ANXA5: variants seen among roughly 807,000 people sequenced by gnomAD.
The protein encoded by ANXA5 is CBP-I.
ANXA5 carries 40 observed loss-of-function variants against 48.1 expected under a neutral mutation model. The ratio of observed to expected loss-of-function variants is 0.83; its 90% confidence interval spans 0.65 to 1.08. The LOEUF is 1.08. ANXA5 is among the 50% of genes least tolerant of loss of function. The pLI is 0.00. For synonymous variants in ANXA5, 113 were observed against 129.1 expected (o/e 0.88, Z 0.85); for missense variants, 357 against 376.8 (o/e 0.95, Z 0.44).
chr4:121,672,389 T>C, intron 9 of ANXA5, 144 bp downstream of exon 9: 2 of 610,246 alleles, frequency 3.3e-6, no homozygotes, highest in South Asian at 4.2e-5. Context: ...AATGTTGAGA[T>C]TTCTCCAGGT....
chr4:121,672,895 T>A (rs1169192750), intron 8 of ANXA5, among the ~76,000 whole-genome samples: 3 of 152,190 alleles, frequency 2.0e-5, no homozygotes, highest in African/African-American at 7.2e-5. Flanking sequence ...TCCCAAAATG[T>A]CTGCCATAAC....
At chr4:121,686,203 T>G in intron 3 of ANXA5, 85 bp downstream of exon 3, 1 of 1,029,570 alleles carries the variant, frequency 9.7e-7, no homozygotes, top group Non-Finnish European at 1.5e-6. Flanking sequence ...GATCAAAATA[T>G]TCTAAAATTA....
At chr4:121,687,503 G>C (rs370897040) in intron 2 of ANXA5, among the ~76,000 whole-genome samples, 63 of 152,140 alleles carry the variant, frequency 4.1e-4, no homozygotes, top group African/African-American at 1.5e-3. Flanking sequence ...GGACTGTAAA[G>C]CTAGCCTCGT....
Position 121,686,344 on chromosome 4 carries a change from G to C in ANXA5, c.38C>G (p.Pro13Arg), listed in dbSNP as rs1052361762. Residue 13 changes from proline to arginine, a missense_variant, in exon 3 of 13, where the codon CCT becomes CGT. Coordinates refer to ENST00000296511, the MANE Select transcript of ANXA5 (RefSeq NM_001154.4). ...TGCATCAGCCCGCTCATCAAATCCAGGGAAGTCAGTCACAGTGCCTCTGAG... is the reference window on the plus strand; with the variant it reads ...TGCATCAGCCCGCTCATCAAATCCACGGAAGTCAGTCACAGTGCCTCTGAG... ...QVLRGTVTDF[P>R]GFDERADAET... 4 of 1,613,936 alleles carry C rather than the reference G, an allele frequency of 2.5e-6. No individual in the cohort carries two copies. Among genetic ancestry groups the C allele is most frequent in the African/African-American group, 2.7e-5 (2 of 74,898 alleles).
At chr4:121,696,462 C>A in intron 2 of ANXA5, 119 bp downstream of exon 2, 1 of 957,162 alleles carries the variant, frequency 1.0e-6, no homozygotes, top group South Asian at 5.2e-5. Context: ...AGCGATGTCC[C>A]CAAAGCAGGT....
At chr4:121,670,155 A>T in intron 10 of ANXA5, 143 bp from the exon 11 acceptor site, 1 of 595,970 alleles carries the variant, frequency 1.7e-6, no homozygotes, top group Non-Finnish European at 2.9e-6. Context: ...CTGTAAGCTA[A>T]TCTGATTTCC....
chr4:121,682,145 G>A (rs570381217), intron 5 of ANXA5, among the ~76,000 whole-genome samples: 4 of 152,066 alleles, frequency 2.6e-5, no homozygotes, highest in South Asian at 4.1e-4. Context: ...AAAACTTCAC[G>A]TAAATGTACA....
At chr4:121,691,886 A>C (rs1724991019) in intron 2 of ANXA5, among the ~76,000 whole-genome samples, 1 of 152,234 alleles carries the variant, frequency 6.6e-6, no homozygotes, top group Non-Finnish European at 1.5e-5. Context: ...GTGTGACCTG[A>C]TTATGCTTTG....
rs555955382 is a variant in ANXA5, at chr4:121,679,123, C to T, written c.395-629G>A. ...TGCTATTAAAGGAAAGGAGGCCTTA[C>T]TCTAAGGTATTTAAATATTTAATTA... On this transcript the variant is annotated intron_variant, in intron 6 of 12. Transcript: ENST00000296511. 5.1e-4 allele frequency among the ~76,000 whole-genome samples: 78 copies of T among 152,048 alleles called. No homozygotes were observed. In the South Asian group the frequency reaches 0.016, roughly 30 times the overall value.
Position 121,696,628 on chromosome 4 carries a change from C to T in ANXA5, c.-35-4G>A. On this transcript the variant is annotated splice_polypyrimidine_tract_variant and splice_region_variant and intron_variant, in intron 1 of 12. Transcript: ENST00000296511. ...GTCAGGGGAAGGTGAAGCAGGACTG[C>T]AAAAGAGAAGAAACCTCGGGCTTAG... 1 of 1,383,940 alleles carries T rather than the reference C, an allele frequency of 7.2e-7. No individual in the cohort carries two copies. The highest frequency in any genetic ancestry group is 9.5e-7 in the Non-Finnish European group (1 of 1,058,198). 85.7% of individuals were successfully genotyped at this position (1,383,940 alleles called of 1,614,324 possible).
chr4:121,672,693 T>C, intron 8 of ANXA5, 67 bp from the exon 9 acceptor site: 4 of 1,178,136 alleles, frequency 3.4e-6, no homozygotes, highest in Non-Finnish European at 5.0e-6. Context: ...TTAAACACAC[T>C]TGTTTTTTAC....
At chr4:121,680,424 C>T (rs1478065701) in intron 6 of ANXA5, among the ~76,000 whole-genome samples, 1 of 152,180 alleles carries the variant, frequency 6.6e-6, no homozygotes, top group Admixed American at 6.5e-5. Flanking sequence ...CTTCTGAATG[C>T]ATTATTGCAT....
chr4:121,696,937 G>A lies in ANXA5; in HGVS notation c.-110C>T. On this transcript the variant is annotated 5_prime_UTR_variant, in exon 1 of 13. Coordinates refer to ENST00000296511, the MANE Select transcript of ANXA5 (RefSeq NM_001154.4). ...GCCGGGCGACGGTACGCGGGGCGACGCCGAGATGCAGACGCTGAAGGATCC... is the reference window on the plus strand; with the variant it reads ...GCCGGGCGACGGTACGCGGGGCGACACCGAGATGCAGACGCTGAAGGATCC... 2 of 220,842 alleles carry A rather than the reference G, an allele frequency of 9.1e-6. No individual in the cohort carries two copies. The highest frequency in any genetic ancestry group is 1.8e-5 in the Non-Finnish European group (2 of 112,858). 13.7% of individuals were successfully genotyped at this position (220,842 alleles called of 1,614,324 possible). A position where few individuals can be genotyped will look rare whatever the true frequency, so the allele number is the denominator to read the frequency against.
intron 2 of ANXA5, among the ~76,000 whole-genome samples, chr4:121,696,221 G>GAGCT (rs1725079572): frequency 6.6e-6 from 1 of 152,114 alleles, no homozygotes; most frequent in African/African-American, 2.4e-5. Flanking sequence ...TGACCACGAT[G>GAGCT]AGCTGTTCTT....
chr4:121,686,064 T>C (rs1431671522), intron 3 of ANXA5, among the ~76,000 whole-genome samples: 4 of 151,252 alleles, frequency 2.6e-5, no homozygotes, highest in South Asian at 2.1e-4. Flanking sequence ...GCTATCATTA[T>C]TGTTAGTGTA....
chr4:121,688,468 C>G (rs1724929055), intron 2 of ANXA5, among the ~76,000 whole-genome samples: 1 of 152,154 alleles, frequency 6.6e-6, no homozygotes, highest in African/African-American at 2.4e-5. Context: ...CCCCAATTGT[C>G]TTCACTGTAT....
chr4:121,696,688 A>C, intron 1 of ANXA5, 64 bp from the exon 2 acceptor site: 2 of 1,148,964 alleles, frequency 1.7e-6, no homozygotes, highest in South Asian at 6.8e-5. Context: ...CCCCAAGCGC[A>C]GGTCCGCGGG....
At chr4:121,695,876 T>G (rs1725070924) in intron 2 of ANXA5, among the ~76,000 whole-genome samples, 1 of 148,788 alleles carries the variant, frequency 6.7e-6, no homozygotes, top group Non-Finnish European at 1.5e-5. Context: ...GACTCCAGCC[T>G]GGGCGACAGA....
chr4:121,679,201 C>T (rs1382821527), intron 6 of ANXA5, among the ~76,000 whole-genome samples: 2 of 152,078 alleles, frequency 1.3e-5, no homozygotes, highest in African/African-American at 4.8e-5. Context: ...TTTAAAAGGC[C>T]CAGAAGAGTT....
Sources: gnomAD v4.1 joint callset for allele counts (sites outside exome capture counted in the v4.1 genomes callset) on GRCh38, gnomAD v4.1.1 for gene constraint, MANE v1.5 for transcripts, NCBI Gene and HGNC (gene_info 2026-07-23, HGNC 2026-07-21) for gene names.